CMTM7: variants seen among roughly 807,000 people sequenced by gnomAD.
CMTM7 encodes the protein CKLF-like MARVEL transmembrane domain-containing protein 7.
In CMTM7, 7 loss-of-function variants were observed where a neutral mutation model predicts 19.3. The observed-to-expected ratio is 0.36, with a 90% confidence interval of 0.21 to 0.68. The LOEUF is 0.68. Ranked by LOEUF, CMTM7 falls within the 30% of genes least tolerant of loss-of-function variation. The probability of loss-of-function intolerance (pLI) is 0.60; values close to 1 mark genes in which losing one functional copy is unlikely to be tolerated. For missense variants in CMTM7, 193 were observed against 232.6 expected (o/e 0.83, Z 1.11); for synonymous variants, 87 against 99.3 (o/e 0.88, Z 0.74).
At chr3:32,440,543 C>G (rs1696659641) in intron 1 of CMTM7, among the ~76,000 whole-genome samples, 1 of 152,150 alleles carries the variant, frequency 6.6e-6, no homozygotes, top group African/African-American at 2.4e-5. Flanking sequence ...TTTGGGAGGC[C>G]AAGGCAGGGG....
intron 1 of CMTM7, among the ~76,000 whole-genome samples, chr3:32,423,803 G>T (rs1315536288): frequency 1.3e-5 from 2 of 152,198 alleles, no homozygotes. Context: ...AGTATCTGCT[G>T]AGGACACATT....
In CMTM7 at chr3:32,454,622, GGGAGTGAA is replaced by G. The variant is rs1048885860; in HGVS notation, c.*370_*377del. 7.0e-5 allele frequency: 29 copies of G among 414,312 alleles called. No individual in the cohort carries two copies. The highest frequency in any genetic ancestry group is 4.9e-4 in the African/African-American group (24 of 49,016). 25.7% of individuals were successfully genotyped at this position (414,312 alleles called of 1,614,324 possible). A position where few individuals can be genotyped will look rare whatever the true frequency, so the allele number is the denominator to read the frequency against. On this transcript the variant is annotated 3_prime_UTR_variant, in exon 5 of 5. Coordinates refer to ENST00000334983, the MANE Select transcript of CMTM7 (RefSeq NM_138410.4). The stretch of plus-strand genomic sequence containing the variant: ...AAATCCCTTCTACTTCACTCCTCAG[GGGAGTGAA>G]GTGCCTTAAGAAACAAAGCCCTGTC...
At chr3:32,442,084 C>A in intron 2 of CMTM7, 71 bp downstream of exon 2, 1 of 1,419,104 alleles carries the variant, frequency 7.0e-7, no homozygotes, top group Non-Finnish European at 9.8e-7. Flanking sequence ...TGAGACCTGA[C>A]AGAGTTTTTC....
Position 32,423,037 on chromosome 3 carries a change from G to T in CMTM7, c.160-18803G>T, listed in dbSNP as rs1696368463. On this transcript the variant is annotated intron_variant, in intron 1 of 4. Coordinates refer to ENST00000334983, the MANE Select transcript of CMTM7 (RefSeq NM_138410.4). ...ACCTCAGTGGCATACAGCAATAAAA[G>T]TTCATTGCTGACATGACTGAGGTCA... Among the ~76,000 whole-genome samples, 8 of 152,306 alleles carry T rather than the reference G, an allele frequency of 5.3e-5. No homozygotes were observed. In the South Asian group the frequency reaches 1.7e-3, roughly 32 times the overall value.
chr3:32,419,839 A>G (rs1054967651), intron 1 of CMTM7, among the ~76,000 whole-genome samples: 7 of 152,008 alleles, frequency 4.6e-5, no homozygotes, highest in Admixed American at 1.3e-4. Context: ...TAATGACTCA[A>G]CCCACTTTGC....
At chr3:32,445,494 T>C (rs1696740292) in intron 2 of CMTM7, among the ~76,000 whole-genome samples, 1 of 152,124 alleles carries the variant, frequency 6.6e-6, no homozygotes, top group East Asian at 1.9e-4. Flanking sequence ...TAGTATGGTG[T>C]CTTACATTGT....
chr3:32,409,040 C>T (rs1178695063), intron 1 of CMTM7, among the ~76,000 whole-genome samples: 1 of 152,072 alleles, frequency 6.6e-6, no homozygotes, highest in African/African-American at 2.4e-5. Context: ...CGCCACCATG[C>T]CCAGCTAATT....
intron 1 of CMTM7, among the ~76,000 whole-genome samples, chr3:32,430,721 G>T (rs1351839595): frequency 1.3e-5 from 2 of 151,594 alleles, no homozygotes; most frequent in African/African-American, 4.9e-5. Flanking sequence ...GTGTGACACA[G>T]CTCTCCTGAT....
At chr3:32,392,824 C>T (rs1367099225) in intron 1 of CMTM7, among the ~76,000 whole-genome samples, 1 of 152,234 alleles carries the variant, frequency 6.6e-6, no homozygotes, top group Non-Finnish European at 1.5e-5. Context: ...CAACTCAGCA[C>T]AAGGGCCTCC....
Position 32,449,449 on chromosome 3 carries a change from C to T in CMTM7, c.334-5C>T, listed in dbSNP as rs750727116. 1.2e-6 allele frequency: 2 copies of T among 1,610,668 alleles called. No homozygotes were observed. Among genetic ancestry groups the T allele is most frequent in the Non-Finnish European group, 1.7e-6 (2 of 1,176,840 alleles). On this transcript the variant is annotated splice_polypyrimidine_tract_variant and splice_region_variant and intron_variant, in intron 2 of 4. Coordinates refer to ENST00000334983, the MANE Select transcript of CMTM7 (RefSeq NM_138410.4). The surrounding 1 kb of genome is among the most constrained non-coding windows in gnomAD (Gnocchi z 4.5). ...CCCACTTATTTGCTTTGTTTCTGCC[C>T]CCAGGAACTTCTGCACTATTTAATC...
intron 1 of CMTM7, among the ~76,000 whole-genome samples, chr3:32,432,098 T>A (rs1315014313): frequency 6.6e-6 from 1 of 152,250 alleles, no homozygotes; most frequent in Admixed American, 6.5e-5. Context: ...CTGGATTTGC[T>A]TCTTGGTTCC....
At chr3:32,406,523 G>C (rs894674248) in intron 1 of CMTM7, among the ~76,000 whole-genome samples, 1 of 152,100 alleles carries the variant, frequency 6.6e-6, no homozygotes, top group African/African-American at 2.4e-5. Context: ...CTTAGTGTTG[G>C]GACAGTGTTC....
intron 1 of CMTM7, among the ~76,000 whole-genome samples, chr3:32,417,776 A>G (rs1362572141): frequency 6.6e-6 from 1 of 151,894 alleles, no homozygotes; most frequent in Non-Finnish European, 1.5e-5. Context: ...AGCTATCCAA[A>G]TAGGTAGGTA....
At chr3:32,452,342 G>A in intron 3 of CMTM7, 50 bp from the exon 4 acceptor site, 2 of 1,613,868 alleles carry the variant, frequency 1.2e-6, no homozygotes, top group African/African-American at 1.3e-5. Flanking sequence ...GATTGCCCGA[G>A]TAATTAGCCC....
intron 1 of CMTM7, among the ~76,000 whole-genome samples, chr3:32,406,394 C>A (rs1696091868): frequency 6.6e-6 from 1 of 152,184 alleles, no homozygotes; most frequent in South Asian, 2.1e-4. Flanking sequence ...CCCAATGTTG[C>A]ATGCTTTTCA....
chr3:32,453,721 T>C (rs943943486), intron 4 of CMTM7, among the ~76,000 whole-genome samples: 1 of 152,180 alleles, frequency 6.6e-6, no homozygotes, highest in African/African-American at 2.4e-5. Flanking sequence ...AGGCTTCTTT[T>C]TGAGGTGATG....
intron 1 of CMTM7, among the ~76,000 whole-genome samples, chr3:32,419,848 G>A (rs1242140014): frequency 6.6e-6 from 1 of 152,108 alleles, no homozygotes; most frequent in East Asian, 1.9e-4. Flanking sequence ...AACCCACTTT[G>A]CGTCCTTCCT....
chr3:32,405,641 T>C (rs1696081723), intron 1 of CMTM7, among the ~76,000 whole-genome samples: 1 of 152,192 alleles, frequency 6.6e-6, no homozygotes, highest in Non-Finnish European at 1.5e-5. Context: ...TGTGGGCCTA[T>C]CTACTCAAGA....
chr3:32,451,857 G>C, intron 3 of CMTM7: 1 of 357,728 alleles, frequency 2.8e-6, no homozygotes, highest in South Asian at 2.2e-5. Flanking sequence ...CCTTGACTTA[G>C]TTGAGTCTAA....
Sources: allele counts gnomAD v4.1 joint callset (sites outside exome capture counted in the v4.1 genomes callset), GRCh38; gene constraint gnomAD v4.1.1; non-coding constraint Gnocchi (gnomAD v3.1); transcripts MANE v1.5; gene names NCBI Gene and HGNC (gene_info 2026-07-23, HGNC 2026-07-21).